Variants in ZNF320 observed in about 807,000 individuals in gnomAD.
ZNF320 encodes the protein zinc finger protein 320, also known as zinc finger gene 320.
ZNF320 carries 2 observed loss-of-function variants against 6.8 expected under a neutral mutation model. That is an observed-to-expected ratio of 0.29 (90% CI 0.12 to 0.93). The LOEUF (loss-of-function observed/expected upper bound fraction) is 0.93, where lower values mean the gene tolerates loss of function less well. ZNF320 is among the 40% of genes least tolerant of loss of function. ZNF320 has a pLI of 0.55. For missense variants in ZNF320, 472 were observed against 611.0 expected, an observed-to-expected ratio of 0.77 and a Z score of 2.40; for synonymous variants, 208 against 203.2, an observed-to-expected ratio of 1.02 and a Z score of -0.20.
downstream of ZNF320, among the ~76,000 whole-genome samples, chr19:52,871,721 G>A (rs1383277401): frequency 2.0e-5 from 3 of 152,052 alleles, no homozygotes; most frequent in Non-Finnish European, 4.4e-5. Flanking sequence ...CATAGCTCTA[G>A]GTGCTTAAAA....
chr19:52,891,368 A>G (rs1461617372), intron 2 of ZNF320, 22 bp from the exon 3 acceptor site: 20 of 151,944 alleles, frequency 1.3e-4, no homozygotes, highest in Non-Finnish European at 1.5e-5. Context: ...AGAGAAAAAA[A>G]AAAGCGTTTC....
chr19:52,893,002 A>AT lies in ZNF320; in HGVS notation c.-192+776dup, dbSNP rs987372861. Among the ~76,000 whole-genome samples the AT allele has an allele frequency of 1.0e-3, 149 of 143,212 alleles. 1 individual carries two copies. The highest frequency in any genetic ancestry group is 3.1e-3 in the African/African-American group (121 of 38,728). 94.0% of individuals were successfully genotyped at this position (143,212 alleles called of 152,430 possible). On this transcript the variant is annotated intron_variant, in intron 2 of 5. Coordinates refer to ENST00000682928, the MANE Select transcript of ZNF320 (RefSeq NM_001351774.2). ...GTTGCTTTTCTCCTCCTGCTTTCTT[A>AT]TTTTTTTTTTCACTTTTGCTGTCTC...
At chr19:52,864,798 T>C (rs187482443) in intron 5 of ZNF320, among the ~76,000 whole-genome samples, 1 of 149,790 alleles carries the variant, frequency 6.7e-6, no homozygotes, top group Admixed American at 6.6e-5. Flanking sequence ...CAGATCATGA[T>C]GTCAGGAGAT....
chr19:52,899,791 C>A (rs2064565663), upstream of ZNF320, among the ~76,000 whole-genome samples: 1 of 152,136 alleles, frequency 6.6e-6, no homozygotes, highest in Non-Finnish European at 1.5e-5. Context: ...GAGTCTCTTG[C>A]CGGGCAAGAA....
downstream of ZNF320, among the ~76,000 whole-genome samples, chr19:52,873,640 A>G (rs2063718456): frequency 6.6e-6 from 1 of 152,208 alleles, no homozygotes; most frequent in Admixed American, 6.5e-5. Flanking sequence ...TTTCATACAC[A>G]GTTTCTCTGA....
At chr19:52,867,691 A>T (rs1011162756) in intron 5 of ZNF320, among the ~76,000 whole-genome samples, 1 of 149,146 alleles carries the variant, frequency 6.7e-6, no homozygotes, top group African/African-American at 2.5e-5. Flanking sequence ...GGCTCACAGA[A>T]ACATCCGCCT....
At chr19:52,874,349 T>G (rs1205386138), downstream of ZNF320, 1 of 154,564 alleles carries the variant, frequency 6.5e-6, no homozygotes, top group Non-Finnish European at 1.4e-5. Context: ...CCAAACCCCA[T>G]GCAGAGCACA....
At chr19:52,896,923 C>A (rs1444368353) in intron 1 of ZNF320, among the ~76,000 whole-genome samples, 1 of 152,208 alleles carries the variant, frequency 6.6e-6, no homozygotes, top group Non-Finnish European at 1.5e-5. Flanking sequence ...CATGGCCAAG[C>A]ACCGGCCACA....
exon 6 of ZNF320, among the ~76,000 whole-genome samples, chr19:52,861,365 A>G (rs775319280): frequency 2.6e-5 from 4 of 152,246 alleles, no homozygotes; most frequent in Admixed American, 6.5e-5. Context: ...AAAAACATAT[A>G]TAAATAGAGA....
intron 5 of ZNF320, among the ~76,000 whole-genome samples, chr19:52,883,279 T>C (rs567900576): frequency 6.6e-6 from 1 of 152,084 alleles, no homozygotes; most frequent in Non-Finnish European, 1.5e-5. Flanking sequence ...TGTGAACTCC[T>C]GTGATCTCGA....
chr19:52,862,925 T>A lies in ZNF320; in HGVS notation c.*1104A>T, dbSNP rs1357536414. 6 of 224,020 alleles carry A rather than the reference T, an allele frequency of 2.7e-5. No homozygotes were observed. The East Asian group carries it at 7.7e-4, about 29-fold the overall frequency. 13.9% of individuals were successfully genotyped at this position (224,020 alleles called of 1,614,324 possible). ...GGATTCCGCCTGTAGTCTCAGCTGT[T>A]CTGGACCCTGAGGCAGGGGAATTGC... On this transcript the variant is annotated 3_prime_UTR_variant, in exon 6 of 6. Transcript: ENST00000673631.
chr19:52,886,532 T>G (rs1046406684), intron 5 of ZNF320, among the ~76,000 whole-genome samples: 1 of 152,210 alleles, frequency 6.6e-6, no homozygotes, highest in Admixed American at 6.5e-5. Flanking sequence ...ACAACGCACT[T>G]CACTTCTGCG....
At chr19:52,865,386 CT>C (rs1370015621) in intron 5 of ZNF320, 12 of 311,480 alleles carry the variant, frequency 3.9e-5, no homozygotes, top group Non-Finnish European at 7.5e-5. Context: ...TCCTGTAGTT[CT>C]CCCAAATCAC....
At chr19:52,869,160 G>A (rs2063634377) in intron 5 of ZNF320, among the ~76,000 whole-genome samples, 1 of 151,978 alleles carries the variant, frequency 6.6e-6, no homozygotes, top group Admixed American at 6.6e-5. Context: ...GGAAGAAAGT[G>A]GAACTAATTT....
upstream of ZNF320, among the ~76,000 whole-genome samples, chr19:52,898,164 C>G (rs117420676): frequency 2.8e-4 from 43 of 152,312 alleles, no homozygotes; most frequent in East Asian, 7.0e-3. Context: ...TTCCTGCTGA[C>G]GGCCCACAGA....
chr19:52,900,325 G>T (rs2064567408), upstream of ZNF320, among the ~76,000 whole-genome samples: 1 of 152,146 alleles, frequency 6.6e-6, no homozygotes, highest in South Asian at 2.1e-4. Flanking sequence ...GATGATGAGT[G>T]AATTTTTTTC....
chr19:52,896,692 G>A (rs1327388348), intron 1 of ZNF320, among the ~76,000 whole-genome samples: 1 of 152,158 alleles, frequency 6.6e-6, no homozygotes, highest in Non-Finnish European at 1.5e-5. Flanking sequence ...CTGGGCAACA[G>A]AGTGAGACCC....
At position 52,891,286 on chromosome 19, in the gene ZNF320, G is replaced by C. The variant is rs375324194; in HGVS notation, c.-131C>G. The stretch of plus-strand genomic sequence containing the variant: ...AAGAATCACTTGAACCCAGGAGACA[G>C]AGGTTGCAGTGAGCCAAGATCAGGA... On this transcript the variant is annotated 5_prime_UTR_variant, in exon 3 of 6. Transcript: ENST00000682928. 14 of 152,258 alleles carry C rather than the reference G, an allele frequency of 9.2e-5. No individual in the cohort carries two copies. Among genetic ancestry groups the C allele is most frequent in the African/African-American group, 3.1e-4 (13 of 41,530 alleles). 9.4% of individuals were successfully genotyped at this position (152,258 alleles called of 1,614,324 possible). A position where few individuals can be genotyped will look rare whatever the true frequency, so the allele number is the denominator to read the frequency against.
downstream of ZNF320, chr19:52,874,179 G>T (rs2063726925): frequency 4.7e-6 from 1 of 213,844 alleles, no homozygotes; most frequent in Non-Finnish European, 9.6e-6. Flanking sequence ...ACAGCCCTCT[G>T]CTGCCCACTA....
Sources: allele counts gnomAD v4.1 joint callset (sites outside exome capture counted in the v4.1 genomes callset), GRCh38; gene constraint gnomAD v4.1.1; transcripts MANE v1.5; gene names NCBI Gene and HGNC (gene_info 2026-07-23, HGNC 2026-07-21).